Variants in INPP5A observed in about 807,000 individuals in gnomAD.
INPP5A encodes 43 kDa inositol polyphosphate 5-phophatase.
In INPP5A, 14 loss-of-function variants were observed where a neutral mutation model predicts 65.2. The ratio of observed to expected loss-of-function variants is 0.21; its 90% CI spans 0.14 to 0.34. The LOEUF (loss-of-function observed/expected upper bound fraction) is 0.34. INPP5A is among the 10% of genes least tolerant of loss of function. INPP5A has a pLI of 1.00. For missense variants in INPP5A, 431 were observed against 545.6 expected (o/e 0.79, Z 2.09); for synonymous variants, 207 against 208.3 (o/e 0.99, Z 0.05).
intron 9 of INPP5A, among the ~76,000 whole-genome samples, chr10:132,742,629 C>T (rs758093076): frequency 5.7e-4 from 87 of 152,320 alleles, no homozygotes; most frequent in Non-Finnish European, 1.0e-3. Flanking sequence ...GTCTTGGAGA[C>T]GGGCACAGCT....
intron 3 of INPP5A, among the ~76,000 whole-genome samples, chr10:132,646,347 G>A (rs1176524291): frequency 1.3e-5 from 2 of 152,166 alleles, no homozygotes; most frequent in Admixed American, 6.5e-5. Flanking sequence ...GGCAGGGAGC[G>A]TCTATCCTCC....
At chr10:132,756,002 C>T (rs1426493789) in intron 11 of INPP5A, among the ~76,000 whole-genome samples, 5 of 152,192 alleles carry the variant, frequency 3.3e-5, no homozygotes, top group East Asian at 3.8e-4. Context: ...AGTGTGGAGT[C>T]GCCTCTGCCT....
intron 1 of INPP5A, among the ~76,000 whole-genome samples, chr10:132,605,724 C>T (rs991384765): frequency 2.6e-5 from 4 of 152,128 alleles, no homozygotes; most frequent in South Asian, 2.1e-4. Context: ...ACAGTGGCCC[C>T]GACTAGTGTT....
intron 2 of INPP5A, among the ~76,000 whole-genome samples, chr10:132,643,192 A>C (rs1181633024): frequency 6.6e-6 from 1 of 152,218 alleles, no homozygotes; most frequent in African/African-American, 2.4e-5. Flanking sequence ...CTCTGCTAGT[A>C]TATAGAAGGA....
intron 9 of INPP5A, among the ~76,000 whole-genome samples, chr10:132,729,153 T>C (rs2134588527): frequency 6.6e-6 from 1 of 152,286 alleles, no homozygotes; most frequent in South Asian, 2.1e-4. Context: ...CTTTCCTTTT[T>C]CTGCTGAGCA....
Position 132,607,929 on chromosome 10 carries a change from G to A in INPP5A, c.90G>A (p.Gln30=). The A allele has an allele frequency of 6.2e-7, 1 of 1,611,134 alleles. No individual in the cohort carries two copies. The highest frequency in any genetic ancestry group is 8.5e-7 in the Non-Finnish European group (1 of 1,179,994). ...GSLFDDPENL[Q]KNWLREFYQV... ...TTAATTTACAGCCAGAAAACCTGCAGAAGAACTGGCTTCGGGAATTTTACC... is the reference window on the plus strand; with the variant it reads ...TTAATTTACAGCCAGAAAACCTGCAAAAGAACTGGCTTCGGGAATTTTACC... The change falls in exon 2 of 16, where the codon CAG becomes CAA. Residue 30 remains glutamine (Q), a synonymous_variant. Coordinates refer to ENST00000368594, the MANE Select transcript of INPP5A (RefSeq NM_005539.5).
intron 12 of INPP5A, among the ~76,000 whole-genome samples, chr10:132,771,024 GGAAGA>G (rs1846938751): frequency 6.6e-6 from 1 of 152,250 alleles, no homozygotes; most frequent in African/African-American, 2.4e-5. Flanking sequence ...CGCTGCTGCT[GGAAGA>G]GGCAGGCTCG....
intron 8 of INPP5A, among the ~76,000 whole-genome samples, chr10:132,726,597 G>C (rs1845989268): frequency 6.6e-6 from 1 of 152,184 alleles, no homozygotes; most frequent in Non-Finnish European, 1.5e-5. Flanking sequence ...GGCAACAGAT[G>C]CGTGTCCGTG....
intron 1 of INPP5A, among the ~76,000 whole-genome samples, chr10:132,543,926 C>T (rs1048192567): frequency 6.6e-6 from 1 of 152,262 alleles, no homozygotes; most frequent in East Asian, 1.9e-4. Context: ...AACAGTGCTG[C>T]TGTGTGCATC....
chr10:132,662,242 T>TA (rs1056925064), intron 4 of INPP5A, among the ~76,000 whole-genome samples: 8 of 152,062 alleles, frequency 5.3e-5, no homozygotes, highest in African/African-American at 1.4e-4. Context: ...ATGGAGGTCT[T>TA]AAAAAAAACG....
chr10:132,575,420 A>T lies in INPP5A; in HGVS notation c.76-32495A>T, dbSNP rs1025419369. 4.6e-5 allele frequency among the ~76,000 whole-genome samples: 7 copies of T among 152,260 alleles called. No homozygotes were observed. The South Asian group carries it at 1.2e-3, about 27-fold the overall frequency. On this transcript the variant is annotated intron_variant, in intron 1 of 15. Transcript: ENST00000368594. The surrounding 1 kb of genome is among the most constrained non-coding windows in gnomAD (Gnocchi z 5.4). The stretch of plus-strand genomic sequence containing the variant: ...CAGGATGGGAGGGGAGTACAGGCTG[A>T]GGCACCAGGCACCACAGGGGCCTGC...
chr10:132,593,039 T>G (rs1340017886), intron 1 of INPP5A, among the ~76,000 whole-genome samples: 1 of 152,234 alleles, frequency 6.6e-6, no homozygotes, highest in African/African-American at 2.4e-5. Flanking sequence ...ACTCACAGCT[T>G]CTTGTGCCAG....
At position 132,704,353 on chromosome 10, in the gene INPP5A, C is replaced by A. The variant is rs551875535; in HGVS notation, c.475-3960C>A. Among the ~76,000 whole-genome samples, 1 of 152,360 alleles carries A rather than the reference C, an allele frequency of 6.6e-6. No homozygotes were observed. Among genetic ancestry groups the A allele is most frequent in the Admixed American group, 6.5e-5 (1 of 15,310 alleles). On this transcript the variant is annotated intron_variant, in intron 6 of 15. Transcript: ENST00000368594. The surrounding 1 kb of genome is among the most constrained non-coding windows in gnomAD (Gnocchi z 4.5). Reference sequence around the variant, plus strand: ...ACAGCCCCCATGGGTGAGAACCCAGCCTTGGGCCCAGTGACTGTGGCCTAA... The same window carrying A: ...ACAGCCCCCATGGGTGAGAACCCAGACTTGGGCCCAGTGACTGTGGCCTAA...
Position 132,753,142 on chromosome 10 carries a change from GGGTT to G in INPP5A, c.903+3298_903+3301del, listed in dbSNP as rs1846527699. ...GACGGCACCTTCGGGAACGCCCCATGGGTTCCTGCTGACCCGGGTGCCCTCGCAC... is the reference window on the plus strand; with the variant it reads ...GACGGCACCTTCGGGAACGCCCCATGCCTGCTGACCCGGGTGCCCTCGCAC... On this transcript the variant is annotated intron_variant, in intron 11 of 15. Transcript: ENST00000368594. The surrounding 1 kb of genome is among the most constrained non-coding windows in gnomAD (Gnocchi z 5.3). 6.6e-6 allele frequency among the ~76,000 whole-genome samples: 1 copy of G among 152,170 alleles called. No homozygotes were observed. Among genetic ancestry groups the G allele is most frequent in the Admixed American group, 6.5e-5 (1 of 15,284 alleles).
At chr10:132,628,031 G>A (rs1028311556) in intron 2 of INPP5A, among the ~76,000 whole-genome samples, 2 of 152,212 alleles carry the variant, frequency 1.3e-5, no homozygotes, top group African/African-American at 2.4e-5. Context: ...GCTCTGATCA[G>A]CAGCTGCGGA....
intron 4 of INPP5A, among the ~76,000 whole-genome samples, chr10:132,660,408 CGTG>C (rs1564953442): frequency 6.6e-6 from 1 of 151,754 alleles, no homozygotes; most frequent in African/African-American, 2.4e-5. Flanking sequence ...TTGCAGAACT[CGTG>C]TGTGTGTGTG....
chr10:132,642,418 G>A (rs2133386561), intron 2 of INPP5A, among the ~76,000 whole-genome samples: 1 of 152,334 alleles, frequency 6.6e-6, no homozygotes, highest in South Asian at 2.1e-4. Context: ...CGGGGCCCCT[G>A]ATGTGGTGGC....
At chr10:132,760,753 C>T (rs942405282) in intron 11 of INPP5A, among the ~76,000 whole-genome samples, 3 of 152,148 alleles carry the variant, frequency 2.0e-5, no homozygotes, top group South Asian at 2.1e-4. Flanking sequence ...GGAGGACGCT[C>T]GGTTTCCCAT....
chr10:132,553,719 G>A (rs1297766300), intron 1 of INPP5A, among the ~76,000 whole-genome samples: 5 of 138,694 alleles, frequency 3.6e-5, no homozygotes, highest in East Asian at 2.4e-4. Context: ...GGATAGGGAG[G>A]GAGGATTGGT....
Sources: gnomAD v4.1 joint callset for allele counts (sites outside exome capture counted in the v4.1 genomes callset) on GRCh38, gnomAD v4.1.1 for gene constraint, Gnocchi (gnomAD v3.1) non-coding constraint, MANE v1.5 for transcripts, NCBI Gene and HGNC (gene_info 2026-07-23, HGNC 2026-07-21) for gene names.